The following SPAG9 variants were observed in gnomAD, a reference collection of about 807,000 sequenced individuals.
SPAG9 encodes sperm associated antigen 9, also known as C-Jun-amino-terminal kinase-interacting protein 4.
SPAG9 carries 35 observed loss-of-function variants against 166.5 expected under a neutral mutation model. The observed-to-expected ratio is 0.21, with a 90% CI of 0.16 to 0.28. The LOEUF is 0.28. Ranked by LOEUF, SPAG9 falls within the 10% of genes least tolerant of loss-of-function variation. The pLI is 1.00. For synonymous variants in SPAG9, 534 were observed against 565.5 expected (o/e 0.94, Z 0.79); for missense variants, 1,235 against 1,603.3 (o/e 0.77, Z 3.92).
intron 2 of SPAG9, among the ~76,000 whole-genome samples, chr17:51,067,633 C>T (rs1435225169): frequency 6.6e-6 from 1 of 151,312 alleles, no homozygotes; most frequent in African/African-American, 2.4e-5. Flanking sequence ...TGGAAATAAA[C>T]AAGATTCTGT....
chr17:51,081,571 C>T (rs2048165694), intron 1 of SPAG9, among the ~76,000 whole-genome samples: 1 of 151,736 alleles, frequency 6.6e-6, no homozygotes, highest in African/African-American at 2.4e-5. Context: ...TGGAGAAACC[C>T]CGTCTCTACT....
At chr17:51,000,361 T>C (rs55984237) in intron 13 of SPAG9, among the ~76,000 whole-genome samples, 7,380 of 152,272 alleles carry the variant, frequency 0.048, 530 homozygotes, top group African/African-American at 0.16. Flanking sequence ...TTTACTTCAG[T>C]GAAGTAGTTA....
intron 2 of SPAG9, among the ~76,000 whole-genome samples, chr17:51,067,031 C>G (rs559665209): frequency 6.6e-6 from 1 of 152,058 alleles, no homozygotes; most frequent in Admixed American, 6.6e-5. Flanking sequence ...TTCATGTTTT[C>G]TTTACATATA....
intron 25 of SPAG9, among the ~76,000 whole-genome samples, chr17:50,981,483 AAGATAGATAGATAGATAGATAGAT>A (rs71353692): frequency 1.4e-4 from 20 of 143,938 alleles, no homozygotes; most frequent in African/African-American, 3.4e-4. Context: ...TACACAGATA[AAGATAGATAGATAGATAGATAGAT>A]AGATAGATAG....
intron 2 of SPAG9, among the ~76,000 whole-genome samples, chr17:51,068,575 G>C (rs1327211977): frequency 6.6e-6 from 1 of 152,092 alleles, no homozygotes; most frequent in Non-Finnish European, 1.5e-5. Context: ...ACATATTCCT[G>C]TGTATCACCC....
At chr17:51,106,815 TA>T (rs1233527136) in intron 1 of SPAG9, among the ~76,000 whole-genome samples, 1 of 147,248 alleles carries the variant, frequency 6.8e-6, no homozygotes, top group Non-Finnish European at 1.5e-5. Context: ...AAAATAAAAA[TA>T]AAAAAGTCCG....
chr17:50,980,868 G>A (rs768857858), intron 25 of SPAG9, among the ~76,000 whole-genome samples: 1 of 152,092 alleles, frequency 6.6e-6, no homozygotes, highest in Non-Finnish European at 1.5e-5. Flanking sequence ...CAGGTATAAT[G>A]GTGTGTGCCT....
intron 1 of SPAG9, among the ~76,000 whole-genome samples, chr17:51,108,667 T>G (rs1315466200): frequency 1.3e-5 from 2 of 151,920 alleles, no homozygotes; most frequent in African/African-American, 4.8e-5. Flanking sequence ...CGGCTAATTT[T>G]TCTATTTTTT....
intron 8 of SPAG9, among the ~76,000 whole-genome samples, chr17:51,017,173 G>C (rs2045733694): frequency 6.6e-6 from 1 of 152,186 alleles, no homozygotes; most frequent in African/African-American, 2.4e-5. Context: ...ATTTAAGTGA[G>C]TATTTTTTCC....
chr17:51,095,891 A>C (rs1169755982), intron 1 of SPAG9, among the ~76,000 whole-genome samples: 1 of 144,704 alleles, frequency 6.9e-6, no homozygotes, highest in South Asian at 2.1e-4. Flanking sequence ...ATATAGTGAT[A>C]TATACAGTGA....
intron 27 of SPAG9, 142 bp from the exon 28 acceptor site, chr17:50,975,089 C>A: frequency 4.3e-6 from 3 of 703,976 alleles, no homozygotes; most frequent in Admixed American, 3.7e-5. Flanking sequence ...CAATTCAAGA[C>A]AAAGCTGGGA....
intron 14 of SPAG9, 70 bp from the exon 15 acceptor site, chr17:50,998,687 T>C: frequency 6.9e-7 from 1 of 1,450,426 alleles, no homozygotes; most frequent in Non-Finnish European, 9.5e-7. Flanking sequence ...CCACAAACTT[T>C]AATGTTGAAG....
Position 50,982,528 on chromosome 17 carries a change from A to G in SPAG9, c.3233T>C (p.Ile1078Thr). Residue 1078 changes from isoleucine to threonine, a missense_variant, in exon 25 of 30, where the codon ATA becomes ACA. Transcript: ENST00000262013. ...IYVVQPKAMKIEKSFDAHPRK... is the reference protein window; with the variant it reads ...IYVVQPKAMKTEKSFDAHPRK... ...AAACATAGGCTAATAACTTGCCTCT[A>G]TTTTCATGGCCTTTGGCTGCACCAC... 6.2e-7 allele frequency: 1 copy of G among 1,608,998 alleles called. No individual in the cohort carries two copies. The highest frequency in any genetic ancestry group is 8.5e-7 in the Non-Finnish European group (1 of 1,178,738).
intron 3 of SPAG9, among the ~76,000 whole-genome samples, chr17:51,053,854 AGTATATATATATATATATATATATAT>A (rs2047265185): frequency 1.2e-4 from 4 of 34,446 alleles, no homozygotes; most frequent in African/African-American, 4.8e-4. Context: ...AAAAAAAAAA[AGTATATATATATATATATATATATAT>A]ATATATATAT....
chr17:51,079,496 C>T, intron 2 of SPAG9, 88 bp downstream of exon 2: 1 of 1,326,738 alleles, frequency 7.5e-7, no homozygotes, highest in Non-Finnish European at 1.0e-6. Flanking sequence ...ACCTCGGCCT[C>T]CCAAAGTGCT....
At chr17:51,041,125 C>A (rs552461062) in intron 5 of SPAG9, among the ~76,000 whole-genome samples, 65 of 152,176 alleles carry the variant, frequency 4.3e-4, no homozygotes, top group African/African-American at 9.6e-4. Flanking sequence ...GTAAGTGAAA[C>A]CCTACTAAAT....
chr17:50,980,673 G>A (rs1974529459), intron 25 of SPAG9, among the ~76,000 whole-genome samples: 1 of 151,872 alleles, frequency 6.6e-6, no homozygotes, highest in South Asian at 2.1e-4. Context: ...TTTGAGATCA[G>A]CCTGGGAAAC....
At chr17:51,028,337 T>TA (rs2046267879) in intron 6 of SPAG9, among the ~76,000 whole-genome samples, 1 of 152,244 alleles carries the variant, frequency 6.6e-6, no homozygotes, top group African/African-American at 2.4e-5. Flanking sequence ...AGTAATGCTC[T>TA]AGGCCTTCAT....
At chr17:51,023,217 A>G (rs1362159956) in intron 6 of SPAG9, 1 of 147,986 alleles carries the variant, frequency 6.8e-6, no homozygotes, top group African/African-American at 2.4e-5. Context: ...CTAAATACAT[A>G]ATTATATATT....
Sources: allele counts gnomAD v4.1 joint callset (sites outside exome capture counted in the v4.1 genomes callset), GRCh38; gene constraint gnomAD v4.1.1; transcripts MANE v1.5; gene names NCBI Gene and HGNC (gene_info 2026-07-23, HGNC 2026-07-21).